The following HRNR variants were observed in gnomAD, a reference collection of about 807,000 sequenced individuals.
The protein encoded by HRNR is hornerin, also known as filaggrin family member 3.
In HRNR, 7 loss-of-function variants were observed where a neutral mutation model predicts 4.8. The ratio of observed to expected loss-of-function variants is 1.47; its 90% CI spans 0.83 to 2.75. The LOEUF is 2.75. Ranked by LOEUF, HRNR falls within the 30% of genes most tolerant of loss-of-function variation. The pLI is 0.00. For synonymous variants in HRNR, 1,023 were observed against 1,242.7 expected, an observed-to-expected ratio of 0.82 and a Z score of 3.72; for missense variants, 2,879 against 3,010.4, an observed-to-expected ratio of 0.96 and a Z score of 1.02.
At chr1:152,221,563 A>G in intron 2 of HRNR, 73 bp from the exon 3 acceptor site, 2 of 1,157,958 alleles carry the variant, frequency 1.7e-6, no homozygotes, top group Non-Finnish European at 2.5e-6. Context: ...ACTGAAGGAA[A>G]GATGTGAAAA....
chr1:152,221,410 C>A lies in HRNR; in HGVS notation c.219G>T (p.Glu73Asp), dbSNP rs752961729. ...CCAGCTTGAATATCATCAGAAGATA[C>A]TCAGTAAAATCCACTTTCTTGTTAT... ...RDHNKKVDFT[E>D]YLLMIFKLVQ... The change falls in exon 3 of 3, where the codon GAG (glutamate) becomes GAT (aspartate). Residue 73 changes from glutamate to aspartate, a missense_variant. This residue lies in a region of HRNR where 2,646 missense variants were observed against 1,377.7 expected (regional missense o/e 1.92). Coordinates refer to ENST00000368801, the MANE Select transcript of HRNR (RefSeq NM_001009931.3). 3.7e-6 allele frequency: 6 copies of A among 1,612,940 alleles called. No individual in the cohort carries two copies. The highest frequency in any genetic ancestry group is 4.2e-6 in the Non-Finnish European group (5 of 1,179,246).
At position 152,219,243 on chromosome 1, in the gene HRNR, A is replaced by C; in HGVS notation, c.2386T>G (p.Ser796Ala). The part of the protein sequence containing the change: ...GHSSSHGQHG[S>A]GTSCSSSCGH... ...CAGCTGGAAGAACAACTTGTGCCAG[A>C]CCCGTGTTGGCCGTGGCTGGAGGAG... The change falls in exon 3 of 3, where the codon TCT becomes GCT. Residue 796 changes from serine (S) to alanine (A), a missense_variant. Physicochemically the swap from Ser to Ala is moderately conservative, Grantham distance 99. Transcript: ENST00000368801. The C allele has an allele frequency of 1.9e-6, 3 of 1,613,402 alleles. No individual in the cohort carries two copies. The highest frequency in any genetic ancestry group is 2.5e-6 in the Non-Finnish European group (3 of 1,179,732).
Position 152,219,004 on chromosome 1 carries a change from A to G in HRNR, c.2625T>C (p.His875=), listed in dbSNP as rs373889491. The G allele has an allele frequency of 3.1e-6, 5 of 1,613,642 alleles. No individual in the cohort carries two copies. In the African/African-American group the frequency reaches 6.7e-5, roughly 22 times the overall value. ...SSYGQHESAS[H]HASGRGRHGS... ...CATGTCGGCCGCGGCCCGAAGCGTGATGGGAGGCAGACTCATGCTGACCAT... is the reference window on the plus strand; with the variant it reads ...CATGTCGGCCGCGGCCCGAAGCGTGGTGGGAGGCAGACTCATGCTGACCAT... Residue 875 remains histidine (H), a synonymous_variant, in exon 3 of 3, where the codon CAT becomes CAC. Coordinates refer to ENST00000368801, the MANE Select transcript of HRNR (RefSeq NM_001009931.3).
Position 152,223,098 on chromosome 1 carries a change from C to T in HRNR, c.138+18G>A. On this transcript the variant is annotated intron_variant, in intron 2 of 2. Transcript: ENST00000368801. ...AAGAAAATTCCTGCATAACTCCATCCTGGCGTGGAGTTCTTACCTTCAGAA... is the reference window on the plus strand; with the variant it reads ...AAGAAAATTCCTGCATAACTCCATCTTGGCGTGGAGTTCTTACCTTCAGAA... The T allele has an allele frequency of 6.2e-7, 1 of 1,611,894 alleles. No homozygotes were observed. Among genetic ancestry groups the T allele is most frequent in the Non-Finnish European group, 8.5e-7 (1 of 1,178,888 alleles).
rs748782611 is a variant in HRNR, at chr1:152,218,785, T to G, written c.2844A>C (p.Gly948=). ...SGQSSGYTQH[G]SGSGHSSSYE... ...AGCTGGAGGAGTGACCTGAGCCAGATCCATGCTGAGTGTAACCAGAGGACT... is the reference window on the plus strand; with the variant it reads ...AGCTGGAGGAGTGACCTGAGCCAGAGCCATGCTGAGTGTAACCAGAGGACT... The change falls in exon 3 of 3, where the codon GGA becomes GGC. Residue 948 remains glycine, a synonymous_variant. Coordinates refer to ENST00000368801, the MANE Select transcript of HRNR (RefSeq NM_001009931.3). 1.2e-6 allele frequency: 2 copies of G among 1,612,008 alleles called. No homozygotes were observed. Among genetic ancestry groups the G allele is most frequent in the African/African-American group, 2.7e-5 (2 of 74,142 alleles).
rs1648742347 is a variant in HRNR, at chr1:152,218,417, C to T, written c.3212G>A (p.Gly1071Asp). The T allele has an allele frequency of 4.3e-6, 7 of 1,613,358 alleles. No homozygotes were observed. The highest frequency in any genetic ancestry group is 5.9e-6 in the Non-Finnish European group (7 of 1,180,022). ...GTGTTGCCCATGGGTAGAGGAATGA[C>T]CTGAGCTAGATCCATGTTGACCGTA... ...SGYGQHGSSSGHSSTHGQHGS... is the reference protein window; with the variant it reads ...SGYGQHGSSSDHSSTHGQHGS... The change falls in exon 3 of 3, where the codon GGT (glycine) becomes GAT (aspartate). Residue 1071 changes from glycine (G) to aspartate (D), a missense_variant. Physicochemically the swap from Gly to Asp is moderately conservative, Grantham distance 94. This residue lies in a region of HRNR where 2,646 missense variants were observed against 1,377.7 expected (regional missense o/e 1.92). Transcript: ENST00000368801.
At position 152,220,528 on chromosome 1, in the gene HRNR, G is replaced by A. The variant is rs1648936152; in HGVS notation, c.1101C>T (p.Gly367=). ...GTCCCTGGCTAGAGGAGTGACCTGAGCCAGAACCATGCTTACTATAGCCAG... is the reference window on the plus strand; with the variant it reads ...GTCCCTGGCTAGAGGAGTGACCTGAACCAGAACCATGCTTACTATAGCCAG... ...QSSGYSKHGS[G]SGHSSSQGQH... The change falls in exon 3 of 3, where the codon GGC becomes GGT. Residue 367 remains glycine (G), a synonymous_variant. Coordinates refer to ENST00000368801, the MANE Select transcript of HRNR (RefSeq NM_001009931.3). 3 of 1,611,690 alleles carry A rather than the reference G, an allele frequency of 1.9e-6. No homozygotes were observed. The East Asian group carries it at 6.7e-5, about 36-fold the overall frequency.
Position 152,219,187 on chromosome 1 carries a change from A to C in HRNR, c.2442T>G (p.Ala814=), listed in dbSNP as rs760891457. 6.2e-7 allele frequency: 1 copy of C among 1,613,918 alleles called. No homozygotes were observed. The highest frequency in any genetic ancestry group is 1.7e-5 in the Admixed American group (1 of 60,014). The part of the protein sequence containing the change: ...CGHYESGSGQ[A]SGFGQHESGS... Reference sequence around the variant, plus strand: ...CAGACTCGTGTTGCCCAAAACCAGAAGCCTGGCCTGAGCCAGACTCATAAT... The same window carrying C: ...CAGACTCGTGTTGCCCAAAACCAGACGCCTGGCCTGAGCCAGACTCATAAT... The change falls in exon 3 of 3, where the codon GCT becomes GCG. Residue 814 remains alanine (A), a synonymous_variant. Transcript: ENST00000368801.
chr1:152,216,424 T>G lies in HRNR; in HGVS notation c.5205A>C (p.Ser1735=), dbSNP rs1285402939. Residue 1735 remains serine, a synonymous_variant, in exon 3 of 3, where the codon TCA becomes TCC. Coordinates refer to ENST00000368801, the MANE Select transcript of HRNR (RefSeq NM_001009931.3). ...ATGGGCCACGGCTGGAAGAACGACC[T>G]GAGCCAGACCCATGTTGGCCGTGGC... ...SSSHGQHGSG[S]GRSSSRGPYE... The G allele has an allele frequency of 6.3e-7, 1 of 1,599,136 alleles. No individual in the cohort carries two copies. Among genetic ancestry groups the G allele is most frequent in the Admixed American group, 1.7e-5 (1 of 57,764 alleles).
Position 152,213,301 on chromosome 1 carries a change from C to A in HRNR, c.8328G>T (p.Gly2776=). 1.2e-6 allele frequency: 1 copy of A among 850,022 alleles called. No homozygotes were observed. The highest frequency in any genetic ancestry group is 2.4e-5 in the East Asian group (1 of 41,626). The allele number at this position is 850,022 out of a possible 1,614,324, so 52.7% of individuals were successfully genotyped here. ...AGCTGGAAGACTGCCCTGAACCAGA[C>A]CCGTGTCGGCCGTGGCTAAGAGACT... ...SGQSLSHGRH[G]SGSGQSSSYG... is the part of the protein sequence containing the mutation. The change falls in exon 3 of 3, where the codon GGG becomes GGT. Residue 2776 remains glycine, a synonymous_variant. Coordinates refer to ENST00000368801, the MANE Select transcript of HRNR (RefSeq NM_001009931.3).
Position 152,219,450 on chromosome 1 carries a change from T to A in HRNR, c.2179A>T (p.Arg727Ter). 6.2e-7 allele frequency: 1 copy of A among 1,613,478 alleles called. No individual in the cohort carries two copies. Residue 727 changes from arginine to a stop codon, truncating the protein, a stop_gained, in exon 3 of 3, where the codon AGA (arginine) becomes TGA (stop). Coordinates refer to ENST00000368801, the MANE Select transcript of HRNR (RefSeq NM_001009931.3). LOFTEE classifies it low-confidence loss of function (END_TRUNC). ...GSGSSHSSGY[R>*]KHGSRSGQSS... The stretch of plus-strand genomic sequence containing the variant: ...TGTCCTGACCTAGAGCCGTGTTTTC[T>A]GTAGCCGGAGGAGTGACTTGAGCCA...
In HRNR at chr1:152,218,697, C is replaced by G; in HGVS notation, c.2932G>C (p.Gly978Arg). 2 of 1,613,998 alleles carry G rather than the reference C, an allele frequency of 1.2e-6. No individual in the cohort carries two copies. Among genetic ancestry groups the G allele is most frequent in the Non-Finnish European group, 1.7e-6 (2 of 1,180,020 alleles). Reference protein sequence around the residue: ...SRSEQHGSSSGSSSSYGQHGS... With the variant: ...SRSEQHGSSSRSSSSYGQHGS... ...TGCTGACCATAGCTGGAAGACGAAC[C>G]TGAGCTAGATCCATGTTGTTCGCTC... The change falls in exon 3 of 3, where the codon GGT becomes CGT. Residue 978 changes from glycine to arginine, a missense_variant. By Grantham distance (125) the Gly-to-Arg change is moderately radical. Coordinates refer to ENST00000368801, the MANE Select transcript of HRNR (RefSeq NM_001009931.3).
chr1:152,220,383 G>A lies in HRNR; in HGVS notation c.1246C>T (p.His416Tyr). The part of the protein sequence containing the change: ...ASRHSSGRGQ[H>Y]SSGSGQSPGH... ...GGAGACTGGCCAGATCCAGAGCTGT[G>A]TTGGCCGCGGCCTGAAGAGTGACGG... The change falls in exon 3 of 3, where the codon CAC becomes TAC. Residue 416 changes from histidine to tyrosine, a missense_variant. Physicochemically the swap from His to Tyr is moderately conservative, Grantham distance 83 (BLOSUM62 2). Transcript: ENST00000368801. 2 of 1,613,922 alleles carry A rather than the reference G, an allele frequency of 1.2e-6. No homozygotes were observed. The highest frequency in any genetic ancestry group is 2.2e-5 in the East Asian group (1 of 44,862).
Position 152,220,128 on chromosome 1 carries a change from A to T in HRNR, c.1501T>A (p.Ser501Thr), listed in dbSNP as rs544086588. The T allele has an allele frequency of 1.9e-5, 30 of 1,612,904 alleles. No individual in the cohort carries two copies. In the South Asian group the frequency reaches 2.9e-4, roughly 15 times the overall value. The stretch of plus-strand genomic sequence containing the variant: ...GATCCTTGTCGTTCACCCCTAGATG[A>T]CTGTCCTGACCTAGAGCCGTGTTGT... ...HGQHGSRSGQSSRGERQGSSA... is the reference protein window; with the variant it reads ...HGQHGSRSGQTSRGERQGSSA... The change falls in exon 3 of 3, where the codon TCA (serine) becomes ACA (threonine). Residue 501 changes from serine (S) to threonine (T), a missense_variant. Ser to Thr is a moderately conservative substitution (Grantham distance 58, BLOSUM62 1). Around this residue, in one of 8 missense-constraint regions of HRNR, gnomAD observed 2,646 missense variants for 1,377.7 expected, o/e 1.92. Transcript: ENST00000368801.
rs764523263 is a variant in HRNR at position 152,220,625 on chromosome 1, C to T, written c.1004G>A (p.Arg335His). Residue 335 changes from arginine (R) to histidine (H), a missense_variant, in exon 3 of 3, where the codon CGT becomes CAT. Physicochemically the swap from Arg to His is conservative, Grantham distance 29 (BLOSUM62 0). Around this residue, in one of 8 missense-constraint regions of HRNR, gnomAD observed 2,646 missense variants for 1,377.7 expected, o/e 1.92. Transcript: ENST00000368801. ...GCCTGAGCCAGACTCATAATGGCCA[C>T]GGCTGTAAGAGTAACTTGAGCCAGA... is the stretch of plus-strand genomic sequence containing the variant. Reference protein sequence around the residue: ...HGSGSSYSYSRGHYESGSGQT... With the variant: ...HGSGSSYSYSHGHYESGSGQT... The T allele has an allele frequency of 1.1e-5, 18 of 1,611,890 alleles. No individual in the cohort carries two copies. Among genetic ancestry groups the T allele is most frequent in the South Asian group, 6.6e-5 (6 of 90,876 alleles).
chr1:152,222,392 A>G (rs1207349611), intron 2 of HRNR, among the ~76,000 whole-genome samples: 1 of 152,170 alleles, frequency 6.6e-6, no homozygotes, highest in Non-Finnish European at 1.5e-5. Context: ...TGAAATGATT[A>G]TATTTGCATC....
rs140445785 is a variant in HRNR at position 152,220,575 on chromosome 1, C to G, written c.1054G>C (p.Glu352Gln). 1.2e-6 allele frequency: 2 copies of G among 1,607,892 alleles called. No homozygotes were observed. The highest frequency in any genetic ancestry group is 1.3e-5 in the African/African-American group (1 of 74,768). Residue 352 changes from glutamate (E) to glutamine (Q), a missense_variant, in exon 3 of 3, where the codon GAG becomes CAG. Coordinates refer to ENST00000368801, the MANE Select transcript of HRNR (RefSeq NM_001009931.3). The part of the protein sequence containing the change: ...SGQTSGFGQH[E>Q]SGSGQSSGYS... ...CCAGAGGACTGTCCTGAGCCAGACT[C>G]ATGTTGCCCAAAGCCAGAAGTCTGG...
rs746551212 is a variant in HRNR at position 152,219,795 on chromosome 1, G to T, written c.1834C>A (p.Gln612Lys). ...SSSGHSSTHGQHGSTSGQSSS... is the reference protein window; with the variant it reads ...SSSGHSSTHGKHGSTSGQSSS... ...GACTGTCCTGATGTAGAACCATGTT[G>T]CCCATGGGTAGAGGAATGACCCGAG... The change falls in exon 3 of 3, where the codon CAA becomes AAA. Residue 612 changes from glutamine (Q) to lysine (K), a missense_variant. Coordinates refer to ENST00000368801, the MANE Select transcript of HRNR (RefSeq NM_001009931.3). 5.0e-6 allele frequency: 8 copies of T among 1,612,148 alleles called. No individual in the cohort carries two copies. The East Asian group carries it at 1.6e-4, about 32-fold the overall frequency.
rs140445785 is a variant in HRNR at position 152,220,575 on chromosome 1, C to T, written c.1054G>A (p.Glu352Lys). 2.4e-4 allele frequency: 381 copies of T among 1,607,892 alleles called. No homozygotes were observed. Among genetic ancestry groups the T allele is most frequent in the Non-Finnish European group, 3.1e-4 (359 of 1,175,624 alleles). ...CCAGAGGACTGTCCTGAGCCAGACTCATGTTGCCCAAAGCCAGAAGTCTGG... is the reference window on the plus strand; with the variant it reads ...CCAGAGGACTGTCCTGAGCCAGACTTATGTTGCCCAAAGCCAGAAGTCTGG... ...SGQTSGFGQH[E>K]SGSGQSSGYS... The change falls in exon 3 of 3, where the codon GAG (glutamate) becomes AAG (lysine). Residue 352 changes from glutamate to lysine, a missense_variant. Transcript: ENST00000368801.
Sources: allele counts gnomAD v4.1 joint callset (sites outside exome capture counted in the v4.1 genomes callset), GRCh38; gene constraint gnomAD v4.1.1; regional missense constraint gnomAD v4.1.1; transcripts MANE v1.5; gene names NCBI Gene and HGNC (gene_info 2026-07-23, HGNC 2026-07-21).